Variants in PCDHGA4 observed in about 807,000 individuals in gnomAD.
PCDHGA4 encodes protocadherin gamma subfamily A, 4.
PCDHGA4 carries 38 observed loss-of-function variants against 54.6 expected under a neutral mutation model. The ratio of observed to expected loss-of-function variants is 0.70; its 90% CI spans 0.54 to 0.91. The LOEUF (loss-of-function observed/expected upper bound fraction) is 0.91. PCDHGA4 is among the 40% of genes least tolerant of loss of function. PCDHGA4 has a pLI of 0.00. For synonymous variants in PCDHGA4, 511 were observed against 512.9 expected (o/e 1.00, Z 0.05); for missense variants, 1,298 against 1,220.9 (o/e 1.06, Z -0.94).
At chr5:141,488,157 C>T (rs565677003) in intron 1 of PCDHGA4, among the ~76,000 whole-genome samples, 2 of 152,216 alleles carry the variant, frequency 1.3e-5, no homozygotes, top group South Asian at 2.1e-4. Context: ...TAGAGAGGCA[C>T]GCATCAGAGT....
intron 1 of PCDHGA4, chr5:141,389,454 C>T (rs544789937): frequency 6.2e-7 from 1 of 1,612,960 alleles, no homozygotes; most frequent in African/African-American, 1.3e-5. Context: ...CGAGCAGCTG[C>T]GCGCCTTCGA....
chr5:141,372,340 G>A lies in PCDHGA4; in HGVS notation c.2514+14719G>A, dbSNP rs754973851. 4 of 1,613,790 alleles carry A rather than the reference G, an allele frequency of 2.5e-6. No individual in the cohort carries two copies. In the South Asian group the frequency reaches 4.4e-5, roughly 18 times the overall value. On this transcript the variant is annotated intron_variant, in intron 1 of 3. Transcript: ENST00000571252. ...CGCCTGCTGGTCACTGTGCGTGATG[G>A]AGGACAGCAGCCTCTTTCAGCCACC...
chr5:141,360,633 A>G, intron 1 of PCDHGA4: 2 of 1,614,028 alleles, frequency 1.2e-6, no homozygotes, highest in Non-Finnish European at 1.7e-6. Flanking sequence ...GTCCTAACTC[A>G]CTACAAAGAT....
At chr5:141,413,396 G>A in intron 1 of PCDHGA4, 1 of 1,614,060 alleles carries the variant, frequency 6.2e-7, no homozygotes, top group Non-Finnish European at 8.5e-7. Flanking sequence ...GTCTCCAGAG[G>A]TAGGACGCAG....
intron 1 of PCDHGA4, among the ~76,000 whole-genome samples, chr5:141,467,680 T>A (rs75237059): frequency 6.6e-6 from 1 of 152,138 alleles, no homozygotes; most frequent in Non-Finnish European, 1.5e-5. Flanking sequence ...TTATTTTTTT[T>A]AGACAGGGTC....
intron 1 of PCDHGA4, chr5:141,424,104 A>G (rs1049098128): frequency 6.2e-6 from 5 of 812,458 alleles, no homozygotes; most frequent in Non-Finnish European, 6.1e-6. Flanking sequence ...ATTACTGCTA[A>G]TGTTCAAATT....
Position 141,486,058 on chromosome 5 carries a change from G to A in PCDHGA4, c.2515-8749G>A. On this transcript the variant is annotated intron_variant, in intron 1 of 3. Transcript: ENST00000571252. The surrounding 1 kb of genome is among the most constrained non-coding windows in gnomAD (Gnocchi z 5.0). The stretch of plus-strand genomic sequence containing the variant: ...ATCGTGTAAGAAACCTCTTTAGCCT[G>A]CACCCCACTACTGGAAAGCTTACTC... The A allele has an allele frequency of 6.2e-7, 1 of 1,614,122 alleles. No homozygotes were observed. The highest frequency in any genetic ancestry group is 8.5e-7 in the Non-Finnish European group (1 of 1,180,012).
intron 1 of PCDHGA4, among the ~76,000 whole-genome samples, chr5:141,460,764 G>A (rs2098996981): frequency 6.6e-6 from 1 of 150,516 alleles, no homozygotes; most frequent in Admixed American, 6.7e-5. Flanking sequence ...TATACATATT[G>A]CATATGTATG....
chr5:141,395,813 A>G (rs1201631661), intron 1 of PCDHGA4: 2 of 152,062 alleles, frequency 1.3e-5, no homozygotes, highest in East Asian at 3.9e-4. Context: ...CAAAACATGA[A>G]CAAACTTTAA....
chr5:141,436,519 C>A (rs770168763), intron 1 of PCDHGA4, among the ~76,000 whole-genome samples: 2 of 152,140 alleles, frequency 1.3e-5, no homozygotes, highest in African/African-American at 2.4e-5. Context: ...TTAACTGTGT[C>A]ACCTTTAGCA....
chr5:141,491,884 G>C lies in PCDHGA4; in HGVS notation c.2515-2923G>C, dbSNP rs745931108. 5.0e-5 allele frequency: 73 copies of C among 1,446,372 alleles called. No homozygotes were observed. The highest frequency in any genetic ancestry group is 6.3e-5 in the Non-Finnish European group (69 of 1,094,334). The allele number at this position is 1,446,372 out of a possible 1,614,324, so 89.6% of individuals were successfully genotyped here. A position where few individuals can be genotyped will look rare whatever the true frequency, so the allele number is the denominator to read the frequency against. On this transcript the variant is annotated intron_variant, in intron 1 of 3. Coordinates refer to ENST00000571252, the MANE Select transcript of PCDHGA4 (RefSeq NM_018917.4). The surrounding 1 kb of genome is among the most constrained non-coding windows in gnomAD (Gnocchi z 6.9). The stretch of plus-strand genomic sequence containing the variant: ...AACCAGAGTGGCCGATTAAGGGATG[G>C]GGCTCCGAGCACCGGGGGTGGTGGC...
intron 1 of PCDHGA4, among the ~76,000 whole-genome samples, chr5:141,435,245 G>A (rs577996994): frequency 6.6e-6 from 1 of 152,132 alleles, no homozygotes; most frequent in Admixed American, 6.5e-5. Context: ...ATTCTTTCTG[G>A]CCATTAGGGA....
At chr5:141,382,679 C>G in intron 1 of PCDHGA4, 1 of 439,974 alleles carries the variant, frequency 2.3e-6, no homozygotes, top group South Asian at 6.8e-5. Flanking sequence ...GTTCACCAAC[C>G]AGGGAAAAAT....
chr5:141,410,466 G>T (rs536543649), intron 1 of PCDHGA4: 2 of 1,613,908 alleles, frequency 1.2e-6, no homozygotes, highest in South Asian at 1.1e-5. Context: ...TATAATCTGT[G>T]CATTGCACAT....
chr5:141,448,756 C>T (rs938202200), intron 1 of PCDHGA4, among the ~76,000 whole-genome samples: 1 of 151,742 alleles, frequency 6.6e-6, no homozygotes, highest in African/African-American at 2.4e-5. Context: ...CTGGCTAACA[C>T]GGTGAAACCC....
chr5:141,404,705 G>A, intron 1 of PCDHGA4: 2 of 1,614,108 alleles, frequency 1.2e-6, no homozygotes, highest in South Asian at 2.2e-5. Flanking sequence ...TGCAGAGCCT[G>A]GCTACCTGGT....
intron 1 of PCDHGA4, among the ~76,000 whole-genome samples, chr5:141,458,883 C>A (rs1171747288): frequency 6.6e-6 from 1 of 152,136 alleles, no homozygotes; most frequent in East Asian, 1.9e-4. Flanking sequence ...CAGGCATGCA[C>A]ACCATGCGCA....
chr5:141,446,087 A>G (rs2154561251), intron 1 of PCDHGA4, among the ~76,000 whole-genome samples: 1 of 152,370 alleles, frequency 6.6e-6, no homozygotes, highest in Non-Finnish European at 1.5e-5. Flanking sequence ...GTAGAAATAA[A>G]TGGATGAATT....
intron 1 of PCDHGA4, chr5:141,365,579 G>T (rs1300437364): frequency 4.3e-6 from 7 of 1,613,564 alleles, no homozygotes; most frequent in African/African-American, 1.3e-5. Flanking sequence ...AGAGACTTCA[G>T]ATTATAATAT....
Sources: gnomAD v4.1 joint callset for allele counts (sites outside exome capture counted in the v4.1 genomes callset) on GRCh38, gnomAD v4.1.1 for gene constraint, Gnocchi (gnomAD v3.1) non-coding constraint, MANE v1.5 for transcripts, NCBI Gene and HGNC (gene_info 2026-07-23, HGNC 2026-07-21) for gene names.